The following ACSL4 variants were observed in gnomAD, a reference collection of about 807,000 sequenced individuals.
ACSL4 encodes long-chain-fatty-acid--CoA ligase 4.
Under a neutral mutation model 49.1 loss-of-function variants are expected in ACSL4, and 9 were observed. The observed-to-expected ratio is 0.18, with a 90% CI of 0.11 to 0.32. The LOEUF is 0.32. Ranked by LOEUF, ACSL4 falls within the 10% of genes least tolerant of loss-of-function variation. The pLI is 1.00. For synonymous variants in ACSL4, 191 were observed against 170.3 expected, an observed-to-expected ratio of 1.12 and a Z score of -0.95; for missense variants, 333 against 493.7, an observed-to-expected ratio of 0.67 and a Z score of 3.08.
intron 8 of ACSL4, among the ~76,000 whole-genome samples, chrX:109,674,684 AGAG>A (rs1307996422): frequency 8.9e-6 from 1 of 112,246 alleles, no homozygotes; most frequent in East Asian, 2.8e-4. Flanking sequence ...CACCTTCCTT[AGAG>A]GAGAAACCTT....
intron 9 of ACSL4, among the ~76,000 whole-genome samples, chrX:109,672,286 G>A (rs904567046): frequency 1.9e-5 from 2 of 105,325 alleles, no homozygotes; most frequent in Non-Finnish European, 3.9e-5. Flanking sequence ...AAAAAAAAAT[G>A]GGGGTGGGGA....
intron 1 of ACSL4, among the ~76,000 whole-genome samples, chrX:109,703,370 T>A (rs1326708355): frequency 3.6e-5 from 4 of 112,032 alleles, no homozygotes; most frequent in Admixed American, 9.5e-5. Context: ...ACTATAATCG[T>A]GTAACATGTT....
At chrX:109,697,896 A>C (rs1925580678) in intron 1 of ACSL4, among the ~76,000 whole-genome samples, 1 of 110,946 alleles carries the variant, frequency 9.0e-6, no homozygotes, top group South Asian at 3.8e-4. Flanking sequence ...AAATCATCTA[A>C]AGATCTAAAG....
At chrX:109,688,458 A>T (rs1394079128) in intron 2 of ACSL4, among the ~76,000 whole-genome samples, 1 of 111,655 alleles carries the variant, frequency 9.0e-6, no homozygotes, top group Non-Finnish European at 1.9e-5. Context: ...TCATCTTAAA[A>T]AACATTCCCT....
In ACSL4 at chrX:109,643,772, T is replaced by C; in HGVS notation, c.*257A>G. 1 of 306,629 alleles carries C rather than the reference T, an allele frequency of 3.3e-6. No individual in the cohort carries two copies. The highest frequency in any genetic ancestry group is 5.6e-5 in the East Asian group (1 of 17,783). 25.3% of individuals were successfully genotyped at this position (306,629 alleles called of 1,213,427 possible). On this transcript the variant is annotated 3_prime_UTR_variant, in exon 16 of 16. Coordinates refer to ENST00000672401, the MANE Select transcript of ACSL4 (RefSeq NM_001318510.2). The stretch of plus-strand genomic sequence containing the variant: ...AAACAAGTATATCTTAGGCTAATTT[T>C]TAAAAACAGAATTTCTGCTCTATAA...
chrX:109,688,229 A>C (rs1603406666), intron 2 of ACSL4, among the ~76,000 whole-genome samples: 1 of 111,694 alleles, frequency 9.0e-6, no homozygotes, highest in East Asian at 2.8e-4. Flanking sequence ...CTACCCACCT[A>C]ATCAAATCTG....
intron 1 of ACSL4, among the ~76,000 whole-genome samples, chrX:109,703,517 G>A (rs929498425): frequency 1.8e-5 from 2 of 111,378 alleles, no homozygotes; most frequent in African/African-American, 3.3e-5. Flanking sequence ...TATTCCCACC[G>A]GCAGTATATT....
At position 109,710,285 on chromosome X, in the gene ACSL4, A is replaced by G. The variant is rs1480894719; in HGVS notation, c.-65-14089T>C. On this transcript the variant is annotated intron_variant, in intron 1 of 15. Transcript: ENST00000672401. ...GAACAAGGCAAGAATGTATGGGTAT[A>G]TTAGCAGAAGCCAACCTTCACTCCT... is the stretch of plus-strand genomic sequence containing the variant. 3.6e-5 allele frequency among the ~76,000 whole-genome samples: 4 copies of G among 111,826 alleles called. 1 individual carries two copies. Among genetic ancestry groups the G allele is most frequent in the Non-Finnish European group, 7.5e-5 (4 of 53,214 alleles).
intron 9 of ACSL4, among the ~76,000 whole-genome samples, chrX:109,669,635 C>T (rs928584188): frequency 1.8e-5 from 2 of 111,704 alleles, no homozygotes; most frequent in Admixed American, 1.9e-4. Context: ...CTTCGTGATC[C>T]GCCACCTCGG....
chrX:109,648,056 C>T (rs1028277869), intron 15 of ACSL4, among the ~76,000 whole-genome samples: 1 of 111,519 alleles, frequency 9.0e-6, no homozygotes, highest in African/African-American at 3.3e-5. Context: ...AAAAAAAGCC[C>T]ATGACCAGAT....
At chrX:109,646,556 A>G (rs372318504) in intron 15 of ACSL4, among the ~76,000 whole-genome samples, 20 of 109,126 alleles carry the variant, frequency 1.8e-4, no homozygotes, top group Admixed American at 2.9e-4. Flanking sequence ...GGTACCAGCC[A>G]CTGCAAAATC....
At chrX:109,645,410 A>T (rs1251075209) in intron 15 of ACSL4, among the ~76,000 whole-genome samples, 2 of 112,282 alleles carry the variant, frequency 1.8e-5, no homozygotes, top group South Asian at 3.7e-4. Flanking sequence ...CAGCAGGGGC[A>T]GACTGACACC....
chrX:109,704,107 T>G, intron 1 of ACSL4, among the ~76,000 whole-genome samples: 1 of 111,172 alleles, frequency 9.0e-6, no homozygotes, highest in Middle Eastern at 4.6e-3. Flanking sequence ...AGAAGTATGA[T>G]TATTAGGTCA....
intron 4 of ACSL4, among the ~76,000 whole-genome samples, chrX:109,682,087 G>C (rs1924207673): frequency 9.0e-6 from 1 of 111,527 alleles, no homozygotes; most frequent in Non-Finnish European, 1.9e-5. Flanking sequence ...GGTACATAGG[G>C]GATCATTTTC....
intron 9 of ACSL4, among the ~76,000 whole-genome samples, chrX:109,670,733 C>G (rs1923117543): frequency 9.0e-6 from 1 of 111,572 alleles, no homozygotes; most frequent in Non-Finnish European, 1.9e-5. Flanking sequence ...CTGCCTGATT[C>G]TCCTGCCTCA....
rs1262468308 is a variant in ACSL4, at chrX:109,641,690, GA to G, written c.*2338del. The G allele has an allele frequency of 9.0e-6, 1 of 111,489 alleles. No homozygotes were observed. Among genetic ancestry groups the G allele is most frequent in the Non-Finnish European group, 1.9e-5 (1 of 52,971 alleles). 9.2% of individuals were successfully genotyped at this position (111,489 alleles called of 1,213,427 possible). On this transcript the variant is annotated 3_prime_UTR_variant, in exon 16 of 16. Transcript: ENST00000672401. ...TTTTGAATCATTTATCTGTATTTCTGAAATATCACACAATTATACCTCTACT... is the reference window on the plus strand; with the variant it reads ...TTTTGAATCATTTATCTGTATTTCTGAATATCACACAATTATACCTCTACT...
chrX:109,676,727 C>G (rs976500383), intron 8 of ACSL4, among the ~76,000 whole-genome samples: 1 of 111,084 alleles, frequency 9.0e-6, no homozygotes, highest in African/African-American at 3.3e-5. Flanking sequence ...ATGAGTTAGC[C>G]CCACCCATTG....
At chrX:109,653,207 T>A (rs1921303842) in intron 15 of ACSL4, among the ~76,000 whole-genome samples, 1 of 111,685 alleles carries the variant, frequency 9.0e-6, no homozygotes, top group African/African-American at 3.3e-5. Context: ...GAAAAAATGC[T>A]CATCATCACT....
Position 109,669,102 on chromosome X carries a change from C to A in ACSL4, c.1074G>T (p.Leu358=), listed in dbSNP as rs189693653. The A allele has an allele frequency of 5.9e-6, 7 of 1,180,374 alleles. No homozygotes were observed. In the Admixed American group the frequency reaches 1.5e-4, roughly 26 times the overall value. ...ATTTGTAATCATACCCTATCTTGAA[C>A]AGAGTTTTCTGAATATAATTCATCT... ...VQEMNYIQKT[L]FKIGYDYKLE... is the part of the protein sequence containing the mutation. Residue 358 remains leucine (L), a synonymous_variant, in exon 10 of 16, where the codon CTG becomes CTT. Coordinates refer to ENST00000672401, the MANE Select transcript of ACSL4 (RefSeq NM_001318510.2).
Sources: gnomAD v4.1 joint callset for allele counts (sites outside exome capture counted in the v4.1 genomes callset) on GRCh38, gnomAD v4.1.1 for gene constraint, MANE v1.5 for transcripts, NCBI Gene and HGNC (gene_info 2026-07-23, HGNC 2026-07-21) for gene names.